GON4L: variants seen among roughly 807,000 people sequenced by gnomAD.
The protein encoded by GON4L is gon-4 like, also known as GON-4-like protein.
GON4L carries 87 observed loss-of-function variants against 211.8 expected under a neutral mutation model. The observed-to-expected ratio is 0.41, with a 90% CI of 0.35 to 0.49. GON4L has a LOEUF of 0.49. Among genes scored for constraint, GON4L ranks in the 20% least tolerant of loss-of-function variants. The probability of loss-of-function intolerance (pLI) is 0.15; values close to 1 mark genes in which losing one functional copy is unlikely to be tolerated. For missense variants in GON4L, 2,155 were observed against 2,659.5 expected (o/e 0.81, Z 4.17); for synonymous variants, 875 against 962.6 (o/e 0.91, Z 1.68).
chr1:155,763,726 G>A (rs1036426666), intron 21 of GON4L, among the ~76,000 whole-genome samples, 162 bp from the exon 22 acceptor site: 3 of 152,200 alleles, frequency 2.0e-5, no homozygotes, highest in African/African-American at 7.2e-5. Context: ...CAATGGGCCA[G>A]GTACAGTGGC....
chr1:155,766,433 G>A lies in GON4L; in HGVS notation c.3040C>T (p.Pro1014Ser). 1.2e-6 allele frequency: 2 copies of A among 1,614,136 alleles called. No individual in the cohort carries two copies. The highest frequency in any genetic ancestry group is 1.7e-6 in the Non-Finnish European group (2 of 1,180,018). The change falls in exon 21 of 32, where the codon CCC becomes TCC. Residue 1014 changes from proline to serine, a missense_variant. Around this residue, in one of 6 missense-constraint regions of GON4L, gnomAD observed 615 missense variants for 625.7 expected, o/e 0.98. Transcript: ENST00000368331. ...LLIQPSPSLQ[P>S]SFNPGKTPAR... The stretch of plus-strand genomic sequence containing the variant: ...GGTGTTTTCCCAGGGTTGAAGCTGG[G>A]CTGGAGAGAGGGGCTGGGTTGGATA...
chr1:155,813,588 A>G, intron 10 of GON4L, 46 bp downstream of exon 10: 1 of 1,388,984 alleles, frequency 7.2e-7, no homozygotes, highest in Middle Eastern at 1.9e-4. Flanking sequence ...CAACAACTAC[A>G]TTACTCCACT....
At chr1:155,781,060 A>T (rs1320741069) in intron 14 of GON4L, among the ~76,000 whole-genome samples, 3 of 152,156 alleles carry the variant, frequency 2.0e-5, no homozygotes, top group Non-Finnish European at 4.4e-5. Context: ...CCACTGAAGG[A>T]ACAGAAGACC....
intron 28 of GON4L, 49 bp from the exon 29 acceptor site, chr1:155,753,463 T>G (rs1660829234): frequency 3.5e-6 from 5 of 1,416,558 alleles, no homozygotes; most frequent in Non-Finnish European, 4.9e-6. Flanking sequence ...GCCTATGTCT[T>G]TGGTTGGGGC....
intron 22 of GON4L, 151 bp downstream of exon 22, chr1:155,763,161 A>G (rs944388922): frequency 1.8e-5 from 11 of 605,724 alleles, no homozygotes; most frequent in African/African-American, 3.7e-5. Context: ...CACATTAAAC[A>G]TGTTTTGGGG....
At chr1:155,821,272 AAAT>A (rs887754986) in intron 5 of GON4L, among the ~76,000 whole-genome samples, 199 bp downstream of exon 5, 1 of 151,488 alleles carries the variant, frequency 6.6e-6, no homozygotes, top group African/African-American at 2.4e-5. Flanking sequence ...TCTCAAAAAA[AAAT>A]AATAATAATA....
intron 14 of GON4L, among the ~76,000 whole-genome samples, chr1:155,779,674 T>C (rs1664220340): frequency 1.3e-5 from 2 of 152,174 alleles, no homozygotes; most frequent in African/African-American, 4.8e-5. Flanking sequence ...GCTATCTTAT[T>C]CTCCTTTTAC....
At chr1:155,748,146 G>C, downstream of GON4L, 1 of 1,576,756 alleles carries the variant, frequency 6.3e-7, no homozygotes, top group Non-Finnish European at 8.6e-7. Flanking sequence ...CGGTGCTCTT[G>C]TTCTGACTGC....
intron 12 of GON4L, among the ~76,000 whole-genome samples, chr1:155,791,919 T>TAAC: frequency 8.2e-6 from 1 of 121,876 alleles, no homozygotes; most frequent in South Asian, 2.4e-4. Context: ...TAACATAACA[T>TAAC]AACATCACAT....
upstream of GON4L, among the ~76,000 whole-genome samples, chr1:155,858,703 AT>A (rs61526659): frequency 0.28 from 24,654 of 88,948 alleles, 3,037 homozygotes; most frequent in East Asian, 0.6. Context: ...GTACAACCAA[AT>A]TTTTTTTTTT....
chr1:155,755,791 A>G (rs778121924), intron 27 of GON4L, among the ~76,000 whole-genome samples: 1 of 152,108 alleles, frequency 6.6e-6, no homozygotes, highest in Non-Finnish European at 1.5e-5. Context: ...CTTTGTACCC[A>G]TGGAAAGCCT....
chr1:155,791,904 TAACATAACATAACATAACATCACATAAC>T (rs1486432520), intron 12 of GON4L, among the ~76,000 whole-genome samples: 5 of 121,704 alleles, frequency 4.1e-5, no homozygotes, highest in African/African-American at 1.7e-4. Context: ...TAACATAACA[TAACATAACATAACATAACATCACATAAC>T]ATAACATAAC....
intron 10 of GON4L, among the ~76,000 whole-genome samples, chr1:155,807,699 G>A (rs1352884058): frequency 1.1e-3 from 3 of 2,846 alleles, no homozygotes; most frequent in Non-Finnish European, 7.8e-3. Context: ...GCCAGACTCC[G>A]TCTCAAAAAA....
chr1:155,796,866 T>C (rs147055075), intron 11 of GON4L, among the ~76,000 whole-genome samples: 8 of 152,160 alleles, frequency 5.3e-5, no homozygotes, highest in African/African-American at 1.9e-4. Flanking sequence ...CCTAAATTTC[T>C]TACTATCATG....
intron 3 of GON4L, among the ~76,000 whole-genome samples, chr1:155,825,837 G>A (rs184312334): frequency 7.3e-4 from 111 of 151,188 alleles, no homozygotes; most frequent in African/African-American, 2.6e-3. Flanking sequence ...GAGGTCAGGA[G>A]TTCAAGACCA....
At chr1:155,808,775 AGTTTTGT>A (rs927555593) in intron 10 of GON4L, among the ~76,000 whole-genome samples, 3 of 151,790 alleles carry the variant, frequency 2.0e-5, no homozygotes, top group African/African-American at 7.3e-5. Flanking sequence ...TGCCCAGCTA[AGTTTTGT>A]GTTTTTTTTG....
At position 155,774,982 on chromosome 1, in the gene GON4L, C is replaced by T. The variant is rs981372035; in HGVS notation, c.2350+20G>A. 8 of 1,603,518 alleles carry T rather than the reference C, an allele frequency of 5.0e-6. No homozygotes were observed. Among genetic ancestry groups the T allele is most frequent in the South Asian group, 1.1e-5 (1 of 90,634 alleles). ...TCTCACCGCAAGTAAAAACTTAAAG[C>T]TGACACATCTGTCTCCTACCAGTCT... On this transcript the variant is annotated intron_variant, in intron 17 of 31. Transcript: ENST00000368331.
chr1:155,748,857 C>G, downstream of GON4L: 1 of 1,452,890 alleles, frequency 6.9e-7, no homozygotes, highest in South Asian at 1.3e-5. Context: ...CCTAATTTCT[C>G]GGGCATTCTA....
At chr1:155,805,988 G>GT (rs58821661) in intron 10 of GON4L, among the ~76,000 whole-genome samples, 8,812 of 133,208 alleles carry the variant, frequency 0.066, 350 homozygotes, top group African/African-American at 0.11. Flanking sequence ...CATGCCTGGT[G>GT]TTTTTTTTTT....
Sources: gnomAD v4.1 joint callset for allele counts (sites outside exome capture counted in the v4.1 genomes callset) on GRCh38, gnomAD v4.1.1 for gene constraint, gnomAD v4.1.1 regional missense constraint, MANE v1.5 for transcripts, NCBI Gene and HGNC (gene_info 2026-07-23, HGNC 2026-07-21) for gene names.